The following NCOA1 variants were observed in gnomAD, a reference collection of about 807,000 sequenced individuals.
NCOA1 encodes Hin-2 protein.
NCOA1 carries 35 observed loss-of-function variants against 150.9 expected under a neutral mutation model. The observed-to-expected ratio is 0.23, with a 90% CI of 0.18 to 0.31. NCOA1 has a LOEUF of 0.31. Among genes scored for constraint, NCOA1 ranks in the 10% least tolerant of loss-of-function variants. The pLI, the probability that NCOA1 is intolerant of heterozygous loss-of-function variation, is 1.00. For synonymous variants in NCOA1, 590 were observed against 630.0 expected (o/e 0.94, Z 0.95); for missense variants, 1,491 against 1,749.3 (o/e 0.85, Z 2.63).
chr2:24,666,759 A>G (rs746312392), intron 6 of NCOA1, among the ~76,000 whole-genome samples: 2 of 152,018 alleles, frequency 1.3e-5, no homozygotes, highest in Non-Finnish European at 2.9e-5. Flanking sequence ...CAGCCTCCCA[A>G]GTAGCTGGGA....
intron 17 of NCOA1, among the ~76,000 whole-genome samples, chr2:24,734,044 G>T (rs1241871361): frequency 6.6e-6 from 1 of 151,770 alleles, no homozygotes; most frequent in Non-Finnish European, 1.5e-5. Flanking sequence ...AATTAGCTGG[G>T]TGTGGTGGCG....
chr2:24,665,617 C>A (rs1671384303), intron 5 of NCOA1, 132 bp from the exon 6 acceptor site: 6 of 737,188 alleles, frequency 8.1e-6, no homozygotes, highest in Non-Finnish European at 9.5e-6. Context: ...GAATTTATAT[C>A]ACTTTCTAAA....
chr2:24,655,375 A>G (rs1670889907), intron 4 of NCOA1, among the ~76,000 whole-genome samples: 1 of 152,108 alleles, frequency 6.6e-6, no homozygotes, highest in African/African-American at 2.4e-5. Flanking sequence ...TATATAACAT[A>G]ATTTTATTTA....
In NCOA1 at chr2:24,622,131, C is replaced by T. The variant is rs567715330; in HGVS notation, c.-174-21835C>T. Among the ~76,000 whole-genome samples, 10 of 152,324 alleles carry T rather than the reference C, an allele frequency of 6.6e-5. No individual in the cohort carries two copies. The South Asian group carries it at 2.1e-3, about 32-fold the overall frequency. Reference sequence around the variant, plus strand: ...AGTTTGGTTTAATGCACACTGACCTCCAGTATAGCCAGTTAGTATACAGGA... The same window carrying T: ...AGTTTGGTTTAATGCACACTGACCTTCAGTATAGCCAGTTAGTATACAGGA... On this transcript the variant is annotated intron_variant, in intron 3 of 22. Transcript: ENST00000348332.
At chr2:24,727,080 GT>G (rs1368552472) in intron 15 of NCOA1, among the ~76,000 whole-genome samples, 1 of 147,538 alleles carries the variant, frequency 6.8e-6, no homozygotes, top group Admixed American at 6.8e-5. Flanking sequence ...GGAGGTTGCA[GT>G]GAGCCAAGAT....
In NCOA1 at chr2:24,705,119, A is replaced by G. The variant is rs1673353484; in HGVS notation, c.983A>G (p.Tyr328Cys). The G allele has an allele frequency of 6.2e-7, 1 of 1,613,986 alleles. No homozygotes were observed. ...CGTGGCACTGCCTCCAGCCCCTCCT[A>G]TAGATTCATATTGAATGATGGGACA... ...MTRGTASSPS[Y>C]RFILNDGTML... The change falls in exon 12 of 23, where the codon TAT (tyrosine) becomes TGT (cysteine). Residue 328 changes from tyrosine (Y) to cysteine (C), a missense_variant. Transcript: ENST00000348332.
chr2:24,602,031 A>T (rs1043162933), intron 3 of NCOA1, among the ~76,000 whole-genome samples: 4 of 151,978 alleles, frequency 2.6e-5, no homozygotes, highest in African/African-American at 9.7e-5. Flanking sequence ...TCACCGTTTA[A>T]TTTTTTCTTG....
chr2:24,609,872 C>T (rs977220509), intron 3 of NCOA1, among the ~76,000 whole-genome samples: 4 of 151,512 alleles, frequency 2.6e-5, no homozygotes, highest in Non-Finnish European at 5.9e-5. Flanking sequence ...TGAAATGTAG[C>T]GTTTTCATTA....
intron 22 of NCOA1, among the ~76,000 whole-genome samples, chr2:24,766,544 GA>G (rs1475848226): frequency 3.3e-5 from 5 of 152,112 alleles, no homozygotes; most frequent in African/African-American, 9.7e-5. Flanking sequence ...CAGAAAGGGA[GA>G]AGAAAAAGAT....
intron 4 of NCOA1, among the ~76,000 whole-genome samples, chr2:24,656,152 A>T (rs1255444874): frequency 6.6e-6 from 1 of 151,602 alleles, no homozygotes; most frequent in African/African-American, 2.4e-5. Flanking sequence ...AGGATATGAG[A>T]GAAGAGGCTA....
intron 2 of NCOA1, among the ~76,000 whole-genome samples, chr2:24,570,020 G>A (rs191142877): frequency 1.3e-5 from 2 of 149,320 alleles, no homozygotes; most frequent in African/African-American, 4.9e-5. Flanking sequence ...TCAAGTTGAA[G>A]CACTTAATTT....
chr2:24,633,137 C>A (rs947787096), intron 3 of NCOA1, among the ~76,000 whole-genome samples: 1 of 151,770 alleles, frequency 6.6e-6, no homozygotes, highest in Admixed American at 6.6e-5. Context: ...TATATAGATA[C>A]ATATGCATAC....
chr2:24,568,334 T>A (rs1666597313), intron 2 of NCOA1, among the ~76,000 whole-genome samples: 1 of 152,150 alleles, frequency 6.6e-6, no homozygotes, highest in Admixed American at 6.5e-5. Flanking sequence ...GGTACCTTTT[T>A]AAAATGTTTT....
chr2:24,722,168 T>C (rs949995155), intron 14 of NCOA1, among the ~76,000 whole-genome samples: 3 of 152,184 alleles, frequency 2.0e-5, no homozygotes. Flanking sequence ...AAACCAGGAT[T>C]TAAATCTCAA....
At chr2:24,562,146 C>T (rs965218570) in intron 1 of NCOA1, among the ~76,000 whole-genome samples, 1 of 152,126 alleles carries the variant, frequency 6.6e-6, no homozygotes, top group Non-Finnish European at 1.5e-5. Flanking sequence ...ATGGGCAAAT[C>T]CATCCACCTG....
rs905728095 is a variant in NCOA1 at position 24,534,517 on chromosome 2, C to A, written c.-395-29778C>A. 7.3e-4 allele frequency among the ~76,000 whole-genome samples: 110 copies of A among 151,598 alleles called. 1 individual carries two copies. Among genetic ancestry groups the A allele is most frequent in the African/African-American group, 2.5e-3 (105 of 41,308 alleles). ...CTTTTGAATTTGTTTGCTCTTGCTT[C>A]TCTAGTTCTTTTAATTGTAATGTTA... is the stretch of plus-strand genomic sequence containing the variant. On this transcript the variant is annotated intron_variant, in intron 1 of 22. Coordinates refer to ENST00000348332, the MANE Select transcript of NCOA1 (RefSeq NM_003743.5).
intron 1 of NCOA1, among the ~76,000 whole-genome samples, chr2:24,514,542 A>G (rs891529662): frequency 6.6e-6 from 1 of 151,520 alleles, no homozygotes; most frequent in South Asian, 2.1e-4. Context: ...GTAGCTCACA[A>G]CCGTAATCTT....
intron 6 of NCOA1, among the ~76,000 whole-genome samples, chr2:24,667,887 A>C (rs1460973203): frequency 1.3e-5 from 2 of 152,292 alleles, no homozygotes; most frequent in Admixed American, 1.3e-4. Flanking sequence ...ATTTTTAAAA[A>C]CAGAAAAAAA....
chr2:24,537,908 A>G (rs182616652), intron 1 of NCOA1, among the ~76,000 whole-genome samples: 27 of 152,298 alleles, frequency 1.8e-4, no homozygotes, highest in Non-Finnish European at 3.2e-4. Flanking sequence ...TTTGATTGCA[A>G]TTCTGTATCT....
Sources: allele counts gnomAD v4.1 joint callset (sites outside exome capture counted in the v4.1 genomes callset), GRCh38; gene constraint gnomAD v4.1.1; transcripts MANE v1.5; gene names NCBI Gene and HGNC (gene_info 2026-07-23, HGNC 2026-07-21).